The following AMPH variants were observed in gnomAD, a reference collection of about 807,000 sequenced individuals.
The protein encoded by AMPH is amphiphysin.
Under a neutral mutation model 99.1 loss-of-function variants are expected in AMPH, and 49 were observed. That is an observed-to-expected ratio of 0.49 (90% CI 0.39 to 0.63). The LOEUF (loss-of-function observed/expected upper bound fraction) is 0.63, where lower values mean the gene tolerates loss of function less well. Ranked by LOEUF, AMPH falls within the 20% of genes least tolerant of loss-of-function variation. The probability of loss-of-function intolerance (pLI) is 0.00; values close to 1 mark genes in which losing one functional copy is unlikely to be tolerated. For missense variants in AMPH, 759 were observed against 863.4 expected (o/e 0.88, Z 1.52); for synonymous variants, 314 against 317.3 (o/e 0.99, Z 0.11).
intron 3 of AMPH, among the ~76,000 whole-genome samples, chr7:38,500,193 G>C (rs993651762): frequency 6.6e-6 from 1 of 152,154 alleles, no homozygotes; most frequent in Admixed American, 6.5e-5. Flanking sequence ...AAATAACTTG[G>C]AATTCCTGCC....
At chr7:38,489,773 T>C (rs1157457315) in intron 5 of AMPH, among the ~76,000 whole-genome samples, 1 of 151,988 alleles carries the variant, frequency 6.6e-6, no homozygotes, top group Admixed American at 6.6e-5. Context: ...AAAGAATACA[T>C]AGAATGATGG....
At chr7:38,397,224 C>T (rs1485758189) in intron 17 of AMPH, among the ~76,000 whole-genome samples, 2 of 152,230 alleles carry the variant, frequency 1.3e-5, no homozygotes, top group Non-Finnish European at 2.9e-5. Flanking sequence ...TCCAACCACA[C>T]ATTATTACTA....
At chr7:38,580,454 A>G (rs1209843637) in intron 1 of AMPH, among the ~76,000 whole-genome samples, 3 of 152,036 alleles carry the variant, frequency 2.0e-5, no homozygotes, top group Non-Finnish European at 4.4e-5. Context: ...CACAACATCT[A>G]TTGACATCAC....
At chr7:38,494,832 C>T (rs1036963378) in intron 3 of AMPH, among the ~76,000 whole-genome samples, 1 of 152,156 alleles carries the variant, frequency 6.6e-6, no homozygotes, top group Non-Finnish European at 1.5e-5. Context: ...CGTGTGCTAT[C>T]ACTTGCCAAG....
chr7:38,417,784 G>A (rs778159398), intron 17 of AMPH, 41 bp downstream of exon 17: 3 of 1,608,206 alleles, frequency 1.9e-6, no homozygotes, highest in South Asian at 2.2e-5. Flanking sequence ...CATGGCTGTG[G>A]CAGCGAGGCA....
rs73124284 is a variant in AMPH at position 38,564,800 on chromosome 7, A to G, written c.70-29789T>C. 5.0e-3 allele frequency among the ~76,000 whole-genome samples: 769 copies of G among 152,294 alleles called. 2 individuals carry two copies. The highest frequency in any genetic ancestry group is 0.011 in the Admixed American group (173 of 15,280). ...GTGAAAAAACCTTATCAAGGTGAAC[A>G]TAAGTTTTATCTATAAATGCATACC... On this transcript the variant is annotated intron_variant, in intron 1 of 20. Coordinates refer to ENST00000356264, the MANE Select transcript of AMPH (RefSeq NM_001635.4).
At chr7:38,431,994 G>C (rs776043544) in intron 13 of AMPH, 195 bp downstream of exon 13, 7 of 687,790 alleles carry the variant, frequency 1.0e-5, no homozygotes, top group Non-Finnish European at 1.9e-5. Context: ...CTGGTCCACT[G>C]TACTCTTCCT....
At chr7:38,444,234 T>G (rs146935050) in intron 11 of AMPH, among the ~76,000 whole-genome samples, 1 of 152,238 alleles carries the variant, frequency 6.6e-6, no homozygotes, top group Non-Finnish European at 1.5e-5. Context: ...GACTCACATA[T>G]CATTGATCTA....
At chr7:38,444,703 T>C (rs1441138427) in intron 11 of AMPH, among the ~76,000 whole-genome samples, 1 of 152,024 alleles carries the variant, frequency 6.6e-6, no homozygotes. Flanking sequence ...TGTTAGAGAA[T>C]TTTTTTGTGG....
chr7:38,533,295 T>C (rs532319020), intron 2 of AMPH, among the ~76,000 whole-genome samples: 1 of 152,336 alleles, frequency 6.6e-6, no homozygotes, highest in South Asian at 2.1e-4. Context: ...CTCTGTAATA[T>C]TTGTTCATTT....
rs75933710 is a variant in AMPH, at chr7:38,600,893, C to T, written c.69+30390G>A. Among the ~76,000 whole-genome samples the T allele has an allele frequency of 5.5e-3, 843 of 152,278 alleles. 6 individuals are homozygous for T. The highest frequency in any genetic ancestry group is 0.018 in the South Asian group (87 of 4,826). Reference sequence around the variant, plus strand: ...ACTGTTATAAAGTGACAGGTACTACCACAAACATTACCCATGCTGGCAGTG... The same window carrying T: ...ACTGTTATAAAGTGACAGGTACTACTACAAACATTACCCATGCTGGCAGTG... On this transcript the variant is annotated intron_variant, in intron 1 of 20. Transcript: ENST00000356264.
rs980748519 is a variant in AMPH at position 38,500,038 on chromosome 7, G to A, written c.205+3612C>T. ...TTTCTTTATAAATTACCCAGTCTGG[G>A]GGCATGACTTTATTAGCAGCGTGAG... On this transcript the variant is annotated intron_variant, in intron 3 of 20. Transcript: ENST00000356264. Among the ~76,000 whole-genome samples the A allele has an allele frequency of 6.6e-5, 10 of 152,154 alleles. 1 individual carries two copies. The highest frequency in any genetic ancestry group is 6.5e-4 in the Admixed American group (10 of 15,280).
At chr7:38,596,273 G>A (rs2129059720) in intron 1 of AMPH, among the ~76,000 whole-genome samples, 1 of 152,296 alleles carries the variant, frequency 6.6e-6, no homozygotes, top group East Asian at 1.9e-4. Context: ...CTATGGAGGG[G>A]TAGAGTTTGC....
At chr7:38,559,035 GA>G (rs1484401544) in intron 1 of AMPH, among the ~76,000 whole-genome samples, 1 of 152,308 alleles carries the variant, frequency 6.6e-6, no homozygotes, top group East Asian at 1.9e-4. Context: ...TTCATTTAAT[GA>G]AAAACTAAAG....
intron 3 of AMPH, among the ~76,000 whole-genome samples, chr7:38,502,965 T>A (rs183627615): frequency 1.3e-3 from 193 of 152,302 alleles, no homozygotes; most frequent in African/African-American, 4.3e-3. Context: ...CCACAAAATC[T>A]GCCTTATGAT....
intron 17 of AMPH, among the ~76,000 whole-genome samples, chr7:38,407,130 A>T (rs1785058800): frequency 7.6e-6 from 1 of 131,530 alleles, no homozygotes; most frequent in Non-Finnish European, 1.6e-5. Context: ...ATATATAGAC[A>T]TAGATAGATA....
At chr7:38,540,550 GT>G (rs1386891914) in intron 1 of AMPH, among the ~76,000 whole-genome samples, 2 of 151,782 alleles carry the variant, frequency 1.3e-5, no homozygotes, top group African/African-American at 4.8e-5. Context: ...GTGGAATATT[GT>G]GTTGGCAGCT....
Position 38,494,645 on chromosome 7 carries a change from A to T in AMPH, c.206-118T>A, listed in dbSNP as rs1562790393. The T allele has an allele frequency of 4.7e-6, 4 of 845,570 alleles. No homozygotes were observed. The East Asian group carries it at 7.8e-5, about 17-fold the overall frequency. 52.4% of individuals were successfully genotyped at this position (845,570 alleles called of 1,614,324 possible). A position where few individuals can be genotyped will look rare whatever the true frequency, so the allele number is the denominator to read the frequency against. The stretch of plus-strand genomic sequence containing the variant: ...GTACTTGCTAAACATTTAAGGAAAA[A>T]CTATAAAGGCACAACTGCTGCTTGT... On this transcript the variant is annotated intron_variant, in intron 3 of 20. Coordinates refer to ENST00000356264, the MANE Select transcript of AMPH (RefSeq NM_001635.4).
At position 38,581,471 on chromosome 7, in the gene AMPH, A is replaced by T. The variant is rs1792459490; in HGVS notation, c.70-46460T>A. 2.0e-5 allele frequency among the ~76,000 whole-genome samples: 3 copies of T among 152,176 alleles called. No homozygotes were observed. In the South Asian group the frequency reaches 6.2e-4, roughly 32 times the overall value. ...GGGGAACTGGCAGGGAAGGGTTATA[A>T]GAGGTAATGGAAGTAGGGATCAGGT... On this transcript the variant is annotated intron_variant, in intron 1 of 20. Coordinates refer to ENST00000356264, the MANE Select transcript of AMPH (RefSeq NM_001635.4).
Sources: gnomAD v4.1 joint callset for allele counts (sites outside exome capture counted in the v4.1 genomes callset) on GRCh38, gnomAD v4.1.1 for gene constraint, MANE v1.5 for transcripts, NCBI Gene and HGNC (gene_info 2026-07-23, HGNC 2026-07-21) for gene names.